Variants in BCL2L1 observed in about 807,000 individuals in gnomAD.
BCL2L1 encodes the protein bcl-2-like protein 1.
A neutral mutation model predicts 18.7 loss-of-function variants in BCL2L1; 1 was observed. That is an observed-to-expected ratio of 0.05 (90% confidence interval 0.02 to 0.25). The LOEUF (loss-of-function observed/expected upper bound fraction) is 0.25. BCL2L1 is among the 10% of genes least tolerant of loss of function. The pLI, the probability that BCL2L1 is intolerant of heterozygous loss-of-function variation, is 1.00. For synonymous variants in BCL2L1, 103 were observed against 122.7 expected (o/e 0.84, Z 1.06); for missense variants, 207 against 304.9 (o/e 0.68, Z 2.39).
chr20:31,668,488 G>A (rs1272867287), intron 2 of BCL2L1, among the ~76,000 whole-genome samples: 1 of 150,942 alleles, frequency 6.6e-6, no homozygotes, highest in Non-Finnish European at 1.5e-5. Context: ...TATATTTTTA[G>A]TAGAGATAAG....
At chr20:31,715,409 T>C (rs1014017224) in intron 2 of BCL2L1, among the ~76,000 whole-genome samples, 1 of 152,138 alleles carries the variant, frequency 6.6e-6, no homozygotes, top group African/African-American at 2.4e-5. Flanking sequence ...CTTCTACCCT[T>C]TTCCCCTTTG....
chr20:31,713,941 C>T (rs578096708), intron 2 of BCL2L1, among the ~76,000 whole-genome samples: 28 of 152,128 alleles, frequency 1.8e-4, no homozygotes, highest in Admixed American at 1.6e-3. Flanking sequence ...TCCTTTGAAA[C>T]GGAGATGTCA....
At chr20:31,679,882 T>C (rs2060829180) in intron 2 of BCL2L1, among the ~76,000 whole-genome samples, 1 of 152,200 alleles carries the variant, frequency 6.6e-6, no homozygotes, top group African/African-American at 2.4e-5. Context: ...GGTTTCGCTA[T>C]GTTGGCCAGG....
chr20:31,689,957 C>T (rs971129604), intron 2 of BCL2L1, among the ~76,000 whole-genome samples: 9 of 152,216 alleles, frequency 5.9e-5, no homozygotes, highest in East Asian at 1.9e-4. Context: ...GCGGAGGTTG[C>T]GGTGAGCTGG....
In BCL2L1 at chr20:31,665,882, G is replaced by A. The variant is rs1401962362; in HGVS notation, c.*67C>T. ...TAGTGGTTCTCCTGGTGGCAATGGC[G>A]GCTGGACGGAGGATGTGGTGGAGCA... is the stretch of plus-strand genomic sequence containing the variant. On this transcript the variant is annotated 3_prime_UTR_variant, in exon 3 of 3. Transcript: ENST00000307677. 13 of 1,578,180 alleles carry A rather than the reference G, an allele frequency of 8.2e-6. No homozygotes were observed. Among genetic ancestry groups the A allele is most frequent in the African/African-American group, 8.1e-5 (6 of 74,418 alleles).
intron 2 of BCL2L1, among the ~76,000 whole-genome samples, chr20:31,669,982 T>G (rs866289298): frequency 2.6e-5 from 4 of 152,174 alleles, no homozygotes; most frequent in African/African-American, 9.7e-5. Flanking sequence ...AGCAAACAGA[T>G]AGCAGAGTCG....
At chr20:31,697,890 C>CTGTTTTTTTTTTTTTTGTTTGTT (rs1555871481) in intron 2 of BCL2L1, among the ~76,000 whole-genome samples, 10 of 78,816 alleles carry the variant, frequency 1.3e-4, no homozygotes, top group African/African-American at 1.0e-3. Context: ...TGTGCTGTTG[C>CTGTTTTTTTTTTTTTTGTTTGTT]TGTTTTTTTT....
chr20:31,672,619 C>G (rs2060689199), intron 2 of BCL2L1, among the ~76,000 whole-genome samples: 1 of 152,184 alleles, frequency 6.6e-6, no homozygotes, highest in African/African-American at 2.4e-5. Flanking sequence ...AAGTCTGGCC[C>G]AGGACCTACT....
intron 2 of BCL2L1, among the ~76,000 whole-genome samples, chr20:31,707,454 A>G (rs1041467787): frequency 6.6e-6 from 1 of 152,178 alleles, no homozygotes; most frequent in African/African-American, 2.4e-5. Flanking sequence ...TATCTTTTCA[A>G]CTATTTTCAT....
chr20:31,719,507 T>G (rs936891117), intron 2 of BCL2L1, among the ~76,000 whole-genome samples: 2 of 152,152 alleles, frequency 1.3e-5, no homozygotes, highest in African/African-American at 4.8e-5. Flanking sequence ...CTCCCTGGCC[T>G]TAGGGAGAGA....
chr20:31,667,484 C>CGTGTGTGTGTGTGTGTGTGTGTGTGTGT lies in BCL2L1; in HGVS notation c.565-1426_565-1399dup, dbSNP rs3073682. Among the ~76,000 whole-genome samples, 123 of 135,324 alleles carry CGTGTGTGTGTGTGTGTGTGTGTGTGTGT rather than the reference C, an allele frequency of 9.1e-4. 3 individuals are homozygous for CGTGTGTGTGTGTGTGTGTGTGTGTGTGT. Among genetic ancestry groups the CGTGTGTGTGTGTGTGTGTGTGTGTGTGT allele is most frequent in the African/African-American group, 3.3e-3 (108 of 32,718 alleles). 88.8% of individuals were successfully genotyped at this position (135,324 alleles called of 152,430 possible). The stretch of plus-strand genomic sequence containing the variant: ...AAAAAAAAAGGAAGTACCATAGTAC[C>CGTGTGTGTGTGTGTGTGTGTGTGTGTGT]GTGTGTGTGTGTGTGTGTGTGTGTG... On this transcript the variant is annotated intron_variant, in intron 2 of 2. Transcript: ENST00000307677.
chr20:31,706,160 T>C (rs1043696196), intron 2 of BCL2L1, among the ~76,000 whole-genome samples: 5 of 152,120 alleles, frequency 3.3e-5, no homozygotes, highest in Non-Finnish European at 5.9e-5. Context: ...GTGAGAACCA[T>C]AGTACACTGG....
At chr20:31,698,517 T>C (rs2061221841) in intron 2 of BCL2L1, among the ~76,000 whole-genome samples, 1 of 152,052 alleles carries the variant, frequency 6.6e-6, no homozygotes, top group Admixed American at 6.6e-5. Context: ...ATTACAGGCA[T>C]GAGCTACTGG....
At chr20:31,697,892 G>GTTTTTTTTTTTTTGTTTGTTTTTT (rs1319361227) in intron 2 of BCL2L1, among the ~76,000 whole-genome samples, 7 of 129,640 alleles carry the variant, frequency 5.4e-5, no homozygotes, top group African/African-American at 1.3e-4. Flanking sequence ...TGCTGTTGCT[G>GTTTTTTTTTTTTTGTTTGTTTTTT]TTTTTTTTTT....
chr20:31,711,175 G>A (rs973645134), intron 2 of BCL2L1, among the ~76,000 whole-genome samples: 5 of 152,162 alleles, frequency 3.3e-5, no homozygotes, highest in Non-Finnish European at 7.4e-5. Context: ...TCAACCCATA[G>A]TATCTGTTAT....
intron 2 of BCL2L1, among the ~76,000 whole-genome samples, chr20:31,694,032 A>C (rs904366688): frequency 3.3e-5 from 5 of 152,110 alleles, no homozygotes; most frequent in Middle Eastern, 3.4e-3. Flanking sequence ...CAGTGTCCGA[A>C]GGGTTAAGCC....
intron 2 of BCL2L1, among the ~76,000 whole-genome samples, chr20:31,695,652 G>A (rs1268070242): frequency 2.0e-5 from 3 of 152,078 alleles, no homozygotes; most frequent in African/African-American, 4.8e-5. Context: ...TGGCTTTGTC[G>A]CTCTGGCTGA....
At chr20:31,686,223 G>A (rs141199063) in intron 2 of BCL2L1, 2 of 152,302 alleles carry the variant, frequency 1.3e-5, no homozygotes, top group Non-Finnish European at 2.9e-5. Context: ...TGGTCACAAA[G>A]GTGAATTCAC....
intron 2 of BCL2L1, among the ~76,000 whole-genome samples, chr20:31,717,585 G>A (rs145494837): frequency 7.2e-5 from 11 of 152,290 alleles, no homozygotes; most frequent in African/African-American, 1.4e-4. Flanking sequence ...TTTGGGACCC[G>A]AATGAGATTA....
Sources: gnomAD v4.1 joint callset for allele counts (sites outside exome capture counted in the v4.1 genomes callset) on GRCh38, gnomAD v4.1.1 for gene constraint, MANE v1.5 for transcripts, NCBI Gene and HGNC (gene_info 2026-07-23, HGNC 2026-07-21) for gene names.